The following LPA variants were observed in gnomAD, a reference collection of about 807,000 sequenced individuals.
LPA encodes lipoprotein(a), also known as apolipoprotein(a).
In LPA, 199 loss-of-function variants were observed where a neutral mutation model predicts 197.9. The observed-to-expected ratio is 1.01, with a 90% CI of 0.90 to 1.13. LPA has a LOEUF of 1.13. Among genes scored for constraint, LPA ranks in the 50% most tolerant of loss-of-function variants. The pLI is 0.00. For synonymous variants in LPA, 715 were observed against 639.5 expected (o/e 1.12, Z -1.78); for missense variants, 1,853 against 1,785.8 (o/e 1.04, Z -0.68).
intron 16 of LPA, among the ~76,000 whole-genome samples, chr6:160,609,136 G>A (rs140260245): frequency 6.6e-6 from 1 of 151,964 alleles, no homozygotes; most frequent in African/African-American, 2.4e-5. Flanking sequence ...AAATTTTCAT[G>A]CAATTCTTCT....
chr6:160,545,377 C>CA, intron 33 of LPA, 63 bp downstream of exon 33: 3 of 1,208,266 alleles, frequency 2.5e-6, no homozygotes, highest in Non-Finnish European at 3.6e-6. Context: ...GTTTTTTTTG[C>CA]TTTTTTTTTT....
At chr6:160,563,553 G>GA (rs1778397814) in intron 28 of LPA, among the ~76,000 whole-genome samples, 1 of 152,188 alleles carries the variant, frequency 6.6e-6, no homozygotes, top group East Asian at 1.9e-4. Flanking sequence ...GTTGATTTGT[G>GA]GTGTCGAGTT....
In LPA at chr6:160,531,635, C is replaced by G. The variant is rs73012273; in HGVS notation, c.*94G>C. On this transcript the variant is annotated 3_prime_UTR_variant, in exon 39 of 39. Coordinates refer to ENST00000316300, the MANE Select transcript of LPA (RefSeq NM_005577.4). ...AGCTGGTAGCTGGGAACAGTGTCTT[C>G]GTTTGATTGCTGTCTATTATTTCCA... The G allele has an allele frequency of 6.0e-3, 9,185 of 1,531,054 alleles. 81 individuals are homozygous for G. The highest frequency in any genetic ancestry group is 6.6e-3 in the Non-Finnish European group (7,252 of 1,106,416). The allele number at this position is 1,531,054 out of a possible 1,614,324, so 94.8% of individuals were successfully genotyped here. A position where few individuals can be genotyped will look rare whatever the true frequency, so the allele number is the denominator to read the frequency against.
intron 1 of LPA, among the ~76,000 whole-genome samples, chr6:160,662,870 A>G (rs888345035): frequency 4.6e-5 from 7 of 152,204 alleles, no homozygotes; most frequent in Admixed American, 3.9e-4. Context: ...GGGCAAGTTC[A>G]TCTAACTATG....
intron 2 of LPA, among the ~76,000 whole-genome samples, chr6:160,646,782 G>A (rs1263237922): frequency 2.0e-5 from 3 of 146,386 alleles, no homozygotes; most frequent in Admixed American, 1.4e-4. Context: ...ACATGCAAAT[G>A]CATCTGTATC....
chr6:160,557,508 G>A lies in LPA; in HGVS notation c.4695C>T (p.Thr1565=), dbSNP rs779383911. 31 of 1,613,896 alleles carry A rather than the reference G, an allele frequency of 1.9e-5. No homozygotes were observed. Among genetic ancestry groups the A allele is most frequent in the South Asian group, 9.9e-5 (9 of 91,054 alleles). ...AGTACTCCCACCTCACACACGGATC[G>A]GTTGTGTAACACCAGGGTTGTTTCC... ...DSGKQPWCYT[T]DPCVRWEYCN... The change falls in exon 29 of 39, where the codon ACC becomes ACT. Residue 1565 remains threonine, a synonymous_variant. Transcript: ENST00000316300.
intron 28 of LPA, among the ~76,000 whole-genome samples, chr6:160,576,344 A>G (rs1340476906): frequency 0.22 from 4,120 of 18,810 alleles, 98 homozygotes; most frequent in African/African-American, 0.28. Context: ...GTGTGTGTAT[A>G]TATATATATA....
rs146024102 is a variant in LPA at position 160,585,167 on chromosome 6, G to A, written c.4168C>T (p.Arg1390Ter). 2.0e-5 allele frequency: 32 copies of A among 1,613,658 alleles called. No individual in the cohort carries two copies. The highest frequency in any genetic ancestry group is 9.3e-5 in the African/African-American group (7 of 74,878). Residue 1390 changes from arginine to a stop codon, truncating the protein, a stop_gained, in exon 26 of 39, where the codon CGA (arginine) becomes TGA (stop). Coordinates refer to ENST00000316300, the MANE Select transcript of LPA (RefSeq NM_005577.4). LOFTEE classifies it high-confidence loss of function. ...ENSTGVQDCY[R>*]GDGQSYRGTL... ...CCTCGATAACTCTGTCCATCACCTCGGTAGCAGTCCTGGACCCCAGTGCTG... is the reference window on the plus strand; with the variant it reads ...CCTCGATAACTCTGTCCATCACCTCAGTAGCAGTCCTGGACCCCAGTGCTG...
At chr6:160,588,140 T>C (rs72501791) in intron 24 of LPA, among the ~76,000 whole-genome samples, 2 of 152,186 alleles carry the variant, frequency 1.3e-5, no homozygotes, top group East Asian at 1.9e-4. Flanking sequence ...CTCCCAGTTA[T>C]GTATCACAGT....
intron 28 of LPA, among the ~76,000 whole-genome samples, chr6:160,572,463 G>C (rs571417999): frequency 2.0e-5 from 3 of 151,968 alleles, no homozygotes; most frequent in South Asian, 4.2e-4. Context: ...TTTGTTTTTT[G>C]TTTTTGTTTT....
At chr6:160,571,940 G>T (rs764145993) in intron 28 of LPA, among the ~76,000 whole-genome samples, 8 of 152,202 alleles carry the variant, frequency 5.3e-5, no homozygotes, top group Non-Finnish European at 1.0e-4. Context: ...AACTCCTGCA[G>T]CTAGCTTAGT....
At chr6:160,598,374 C>T (rs959604428) in intron 20 of LPA, among the ~76,000 whole-genome samples, 4 of 152,296 alleles carry the variant, frequency 2.6e-5, no homozygotes, top group South Asian at 2.1e-4. Context: ...ATCCCAAAGT[C>T]CAATCACTCT....
intron 30 of LPA, among the ~76,000 whole-genome samples, chr6:160,555,534 C>A (rs1488488391): frequency 6.9e-6 from 1 of 145,324 alleles, no homozygotes; most frequent in African/African-American, 2.5e-5. Flanking sequence ...TATATGAATA[C>A]TAACTTATAT....
chr6:160,581,978 T>C (rs1043652879), intron 26 of LPA, among the ~76,000 whole-genome samples: 1 of 152,174 alleles, frequency 6.6e-6, no homozygotes, highest in Non-Finnish European at 1.5e-5. Context: ...TGATGCCAAT[T>C]CCCATATGGT....
At chr6:160,600,876 C>T in intron 19 of LPA, 41 bp downstream of exon 19, 1 of 1,606,644 alleles carries the variant, frequency 6.2e-7, no homozygotes, top group South Asian at 1.1e-5. Context: ...GGCTTTTCAT[C>T]CCAGCATCCA....
At position 160,545,376 on chromosome 6, in the gene LPA, G is replaced by GA. The variant is rs199575321; in HGVS notation, c.5398+63_5398+64insT. 4.6e-5 allele frequency: 50 copies of GA among 1,084,292 alleles called. No homozygotes were observed. The Admixed American group carries it at 9.5e-4, about 21-fold the overall frequency. The allele number at this position is 1,084,292 out of a possible 1,614,324, so 67.2% of individuals were successfully genotyped here. ...TCAAAAGCCATTTTCTGTTTTTTTT[G>GA]CTTTTTTTTTTCCAAATCCATATTA... On this transcript the variant is annotated intron_variant, in intron 33 of 38. Coordinates refer to ENST00000316300, the MANE Select transcript of LPA (RefSeq NM_005577.4).
Position 160,596,536 on chromosome 6 carries a change from G to A in LPA, c.3288-1001C>T, listed in dbSNP as rs115542836. ...TTATAGTATAAGAAACCAACACTGA[G>A]AATTTTTTTAACACACAAAGTCAAC... On this transcript the variant is annotated intron_variant, in intron 20 of 38. Coordinates refer to ENST00000316300, the MANE Select transcript of LPA (RefSeq NM_005577.4). Among the ~76,000 whole-genome samples, 584 of 152,084 alleles carry A rather than the reference G, an allele frequency of 3.8e-3. 5 individuals carry two copies. The highest frequency in any genetic ancestry group is 0.013 in the African/African-American group (559 of 41,480).
intron 28 of LPA, among the ~76,000 whole-genome samples, chr6:160,565,523 C>T (rs1778436120): frequency 6.6e-6 from 1 of 152,154 alleles, no homozygotes; most frequent in South Asian, 2.1e-4. Flanking sequence ...CCCATCTGTA[C>T]ATCACCATCA....
intron 2 of LPA, among the ~76,000 whole-genome samples, 178 bp downstream of exon 2, chr6:160,650,160 C>A (rs1239358386): frequency 2.0e-5 from 3 of 152,190 alleles, no homozygotes; most frequent in Non-Finnish European, 4.4e-5. Context: ...GGAAAGAGAG[C>A]CAGCTTAACA....
Sources: allele counts gnomAD v4.1 joint callset (sites outside exome capture counted in the v4.1 genomes callset), GRCh38; gene constraint gnomAD v4.1.1; transcripts MANE v1.5; gene names NCBI Gene and HGNC (gene_info 2026-07-23, HGNC 2026-07-21).